The following USP30 variants were observed in gnomAD, a reference collection of about 807,000 sequenced individuals.
USP30 encodes ubiquitin carboxyl-terminal hydrolase 30.
A neutral mutation model predicts 68.2 loss-of-function variants in USP30; 41 were observed. The ratio of observed to expected loss-of-function variants is 0.60; its 90% CI spans 0.47 to 0.78. The LOEUF is 0.78. Among genes scored for constraint, USP30 ranks in the 30% least tolerant of loss-of-function variants. USP30 has a pLI of 0.00. For synonymous variants in USP30, 229 were observed against 253.7 expected, an observed-to-expected ratio of 0.90 and a Z score of 0.93; for missense variants, 522 against 649.4, an observed-to-expected ratio of 0.80 and a Z score of 2.13.
At chr12:109,062,145 G>A (rs997464225) in intron 3 of USP30, among the ~76,000 whole-genome samples, 4 of 151,990 alleles carry the variant, frequency 2.6e-5, no homozygotes, top group Non-Finnish European at 5.9e-5. Flanking sequence ...CTGTTGCCTA[G>A]GCTGGTCTTG....
chr12:109,074,961 G>A lies in USP30; in HGVS notation c.720+1429G>A, dbSNP rs1418796257. Reference sequence around the variant, plus strand: ...TAGATTCCATATAGGTATGAGATCAGGTGGTGTTTATCTTTCTATATCTGG... The same window carrying A: ...TAGATTCCATATAGGTATGAGATCAAGTGGTGTTTATCTTTCTATATCTGG... On this transcript the variant is annotated intron_variant, in intron 7 of 12. Transcript: ENST00000257548. Among the ~76,000 whole-genome samples the A allele has an allele frequency of 2.6e-5, 4 of 152,316 alleles. No individual in the cohort carries two copies. The South Asian group carries it at 6.2e-4, about 24-fold the overall frequency.
intron 1 of USP30, 133 bp from the exon 2 acceptor site, chr12:109,056,549 T>A (rs935081589): frequency 1.6e-5 from 9 of 575,710 alleles, no homozygotes; most frequent in Admixed American, 6.1e-5. Context: ...TGTAATCCTA[T>A]GACTATATGT....
chr12:109,045,180 T>C (rs1202193536), intron 3 of USP30, among the ~76,000 whole-genome samples: 1 of 152,134 alleles, frequency 6.6e-6, no homozygotes, highest in Non-Finnish European at 1.5e-5. Context: ...GGTTTCACCA[T>C]GTTGGCCAGG....
intron 12 of USP30, 124 bp downstream of exon 12, chr12:109,085,197 C>T (rs2041911062): frequency 9.4e-7 from 1 of 1,059,770 alleles, no homozygotes; most frequent in Non-Finnish European, 1.3e-6. Flanking sequence ...GGTGAAGTTT[C>T]ACGATTACAC....
At chr12:109,055,931 A>G (rs1463979952) in intron 1 of USP30, among the ~76,000 whole-genome samples, 2 of 152,178 alleles carry the variant, frequency 1.3e-5, no homozygotes, top group Non-Finnish European at 2.9e-5. Context: ...GGACAAGGAC[A>G]GGTCCCACTG....
intron 8 of USP30, 162 bp from the exon 9 acceptor site, chr12:109,081,771 C>T: frequency 1.4e-6 from 1 of 715,878 alleles, no homozygotes; most frequent in Non-Finnish European, 2.4e-6. Flanking sequence ...GTCTAGGGTG[C>T]TTTGAGCCCC....
intron 2 of USP30, among the ~76,000 whole-genome samples, chr12:109,025,994 T>C (rs1405205687): frequency 2.0e-5 from 3 of 152,056 alleles, no homozygotes; most frequent in African/African-American, 7.2e-5. Context: ...ATGAAGCGTT[T>C]TTTAAGTTGT....
intron 3 of USP30, among the ~76,000 whole-genome samples, chr12:109,033,541 T>G (rs1195882881): frequency 6.6e-6 from 1 of 152,182 alleles, no homozygotes; most frequent in Non-Finnish European, 1.5e-5. Flanking sequence ...CCTGAGTACT[T>G]TTTCTCCCTG....
In USP30 at chr12:109,052,625, C is replaced by CGGCGGCGGCGGCGGCGGCGGT; in HGVS notation, c.-40_-39insCGGCGGTGGCGGCGGCGGCGG. On this transcript the variant is annotated 5_prime_UTR_variant, in exon 1 of 13. Transcript: ENST00000257548. ...GGAACCGTCGTATCCCTCGGTCCGGCGGCGGCGGCGGCGGTAGCGGAGGAG... is the reference window on the plus strand; with the variant it reads ...GGAACCGTCGTATCCCTCGGTCCGGCGGCGGCGGCGGCGGCGGCGGTGGCGGCGGCGGCGGTAGCGGAGGAG... The CGGCGGCGGCGGCGGCGGCGGT allele has an allele frequency of 1.4e-6, 2 of 1,437,724 alleles. No individual in the cohort carries two copies. The highest frequency in any genetic ancestry group is 5.9e-5 in the East Asian group (2 of 33,952). 89.1% of individuals were successfully genotyped at this position (1,437,724 alleles called of 1,614,324 possible).
At chr12:109,036,809 G>A (rs998896926) in intron 3 of USP30, among the ~76,000 whole-genome samples, 8 of 151,978 alleles carry the variant, frequency 5.3e-5, no homozygotes, top group Admixed American at 1.3e-4. Context: ...GTCTTATTAA[G>A]TATACCTTTT....
chr12:109,066,953 T>G (rs1451549068), intron 3 of USP30, among the ~76,000 whole-genome samples: 4 of 152,108 alleles, frequency 2.6e-5, no homozygotes, highest in Non-Finnish European at 4.4e-5. Context: ...AGTTTGAAGA[T>G]ACAGGAATCG....
At chr12:109,042,348 T>C (rs917116453) in intron 3 of USP30, among the ~76,000 whole-genome samples, 6 of 152,210 alleles carry the variant, frequency 3.9e-5, no homozygotes, top group Non-Finnish European at 7.3e-5. Flanking sequence ...TCCTCAGTCA[T>C]ACGGTTCTTT....
Position 109,030,678 on chromosome 12 carries a change from G to A in USP30, c.-136+3122G>A, listed in dbSNP as rs187148255. Among the ~76,000 whole-genome samples the A allele has an allele frequency of 1.7e-3, 256 of 152,242 alleles. 3 individuals carry two copies. Among genetic ancestry groups the A allele is most frequent in the African/African-American group, 5.7e-3 (235 of 41,552 alleles). ...TGTCGCCAGGCTGGAGTGCAGTGGC[G>A]CTATCTTGGCTCACTGCAACCTCTG... On this transcript the variant is annotated intron_variant, in intron 3 of 15. Transcript: ENST00000392784.
chr12:109,072,403 G>A, intron 6 of USP30, 53 bp downstream of exon 6: 1 of 1,559,166 alleles, frequency 6.4e-7, no homozygotes. Context: ...TTTAAGATAT[G>A]ATAATAATTT....
At chr12:109,026,141 T>A (rs1337460838) in intron 2 of USP30, among the ~76,000 whole-genome samples, 4 of 151,962 alleles carry the variant, frequency 2.6e-5, no homozygotes, top group African/African-American at 9.7e-5. Context: ...AATGATGCAA[T>A]CTCAGCTAAC....
At chr12:109,044,589 A>G (rs1214346688) in intron 3 of USP30, among the ~76,000 whole-genome samples, 1 of 152,078 alleles carries the variant, frequency 6.6e-6, no homozygotes, top group African/African-American at 2.4e-5. Context: ...GTGAGCTGTG[A>G]TAATGCCACT....
At position 109,058,572 on chromosome 12, in the gene USP30, CA is replaced by C. The variant is rs111944941; in HGVS notation, c.376+479del. On this transcript the variant is annotated intron_variant, in intron 3 of 12. Transcript: ENST00000257548. ...GAGCAACAAGAGCGAAACTCCGTCT[CA>C]AAAAAAAAAAAAAATCAAAGATGGA... Among the ~76,000 whole-genome samples, 403 of 139,332 alleles carry C rather than the reference CA, an allele frequency of 2.9e-3. 4 individuals are homozygous for C. The highest frequency in any genetic ancestry group is 0.011 in the Middle Eastern group (3 of 264). The allele number at this position is 139,332 out of a possible 152,430, so 91.4% of individuals were successfully genotyped here.
chr12:109,055,390 A>G (rs1330036093), intron 1 of USP30, among the ~76,000 whole-genome samples: 2 of 53,594 alleles, frequency 3.7e-5, no homozygotes, highest in African/African-American at 1.5e-4. Flanking sequence ...ATATATATAT[A>G]TATATATATA....
intron 1 of USP30, among the ~76,000 whole-genome samples, chr12:109,024,134 G>A (rs2040427345): frequency 6.6e-6 from 1 of 152,132 alleles, no homozygotes; most frequent in African/African-American, 2.4e-5. Context: ...CAGAAATACG[G>A]GGATCAATAA....
Sources: gnomAD v4.1 joint callset for allele counts (sites outside exome capture counted in the v4.1 genomes callset) on GRCh38, gnomAD v4.1.1 for gene constraint, MANE v1.5 for transcripts, NCBI Gene and HGNC (gene_info 2026-07-23, HGNC 2026-07-21) for gene names.